The following PEMT variants were observed in gnomAD, a reference collection of about 807,000 sequenced individuals.
PEMT encodes phospholipid methyltransferase.
In PEMT, 23 loss-of-function variants were observed where a neutral mutation model predicts 27.4. The observed-to-expected ratio is 0.84, with a 90% CI of 0.60 to 1.19. The LOEUF (loss-of-function observed/expected upper bound fraction) is 1.19, where lower values mean the gene tolerates loss of function less well. Ranked by LOEUF, PEMT falls within the 50% of genes most tolerant of loss-of-function variation. The pLI, the probability that PEMT is intolerant of heterozygous loss-of-function variation, is 0.00. For synonymous variants in PEMT, 137 were observed against 139.1 expected, an observed-to-expected ratio of 0.98 and a Z score of 0.11; for missense variants, 307 against 310.1, an observed-to-expected ratio of 0.99 and a Z score of 0.07.
At chr17:17,570,092 G>A (rs973630642) in intron 2 of PEMT, among the ~76,000 whole-genome samples, 2 of 152,206 alleles carry the variant, frequency 1.3e-5, no homozygotes, top group Non-Finnish European at 2.9e-5. Context: ...CGCTCACAAA[G>A]CCAATAAACA....
In PEMT at chr17:17,586,288, G is replaced by GAAAAAA. The variant is rs113887195; in HGVS notation, c.96+5237_96+5242dup. 1.5e-4 allele frequency among the ~76,000 whole-genome samples: 11 copies of GAAAAAA among 72,064 alleles called. No individual in the cohort carries two copies. The East Asian group carries it at 1.9e-3, about 13-fold the overall frequency. 47.3% of individuals were successfully genotyped at this position (72,064 alleles called of 152,430 possible). On this transcript the variant is annotated intron_variant, in intron 1 of 6. Coordinates refer to ENST00000255389, the MANE Select transcript of PEMT (RefSeq NM_148172.3). Reference sequence around the variant, plus strand: ...AGAAAGAAAGAAAGAAAGAAAGAAAGAAAAAAAAAAACGCAGGTGGAAAAT... The same window carrying GAAAAAA: ...AGAAAGAAAGAAAGAAAGAAAGAAAGAAAAAAAAAAAAAAAAACGCAGGTGGAAAAT...
rs969255272 is a variant in PEMT at position 17,512,710 on chromosome 17, C to T, written c.321-56G>A. 4.2e-5 allele frequency: 60 copies of T among 1,431,508 alleles called. No homozygotes were observed. Among genetic ancestry groups the T allele is most frequent in the Non-Finnish European group, 5.4e-5 (58 of 1,079,810 alleles). The allele number at this position is 1,431,508 out of a possible 1,614,324, so 88.7% of individuals were successfully genotyped here. ...CATGGCCAGGGAGGATGTCACAGCCCGGGAGGAGGCCGACCTCATCTTCTC... is the reference window on the plus strand; with the variant it reads ...CATGGCCAGGGAGGATGTCACAGCCTGGGAGGAGGCCGACCTCATCTTCTC... On this transcript the variant is annotated intron_variant, in intron 3 of 6. Coordinates refer to ENST00000255389, the MANE Select transcript of PEMT (RefSeq NM_148172.3). This position sits in a 1 kb window ranked among gnomAD's most constrained non-coding sequence, Gnocchi z 6.3.
At chr17:17,552,737 G>C (rs1325845817) in intron 2 of PEMT, among the ~76,000 whole-genome samples, 1 of 152,250 alleles carries the variant, frequency 6.6e-6, no homozygotes, top group Non-Finnish European at 1.5e-5. Flanking sequence ...CTCTGCTGTC[G>C]TTTCGACATG....
At chr17:17,572,839 A>G (rs1911298992) in intron 2 of PEMT, among the ~76,000 whole-genome samples, 1 of 152,226 alleles carries the variant, frequency 6.6e-6, no homozygotes, top group Non-Finnish European at 1.5e-5. Flanking sequence ...ACTGGGCACA[A>G]CACCTGAGCA....
intron 4 of PEMT, among the ~76,000 whole-genome samples, chr17:17,509,750 C>T (rs753135929): frequency 2.6e-5 from 4 of 152,166 alleles, no homozygotes; most frequent in Non-Finnish European, 5.9e-5. Flanking sequence ...GGCCTAAGGA[C>T]TAAGGTGCTG....
chr17:17,563,744 A>T (rs1019085944), intron 2 of PEMT, among the ~76,000 whole-genome samples: 2 of 152,142 alleles, frequency 1.3e-5, no homozygotes, highest in African/African-American at 4.8e-5. Flanking sequence ...AAGGGACGCT[A>T]TGCTCATCTT....
In PEMT at chr17:17,565,955, T is replaced by C. The variant is rs543339670; in HGVS notation, c.204+10965A>G. Among the ~76,000 whole-genome samples the C allele has an allele frequency of 1.6e-3, 249 of 152,314 alleles. 1 individual carries two copies. The highest frequency in any genetic ancestry group is 5.9e-3 in the African/African-American group (244 of 41,576). ...GGCAGCTCCCGCAGCTGCTTCTCCT[T>C]GGAGCCCAAACCCTTTTACACCCAT... is the stretch of plus-strand genomic sequence containing the variant. On this transcript the variant is annotated intron_variant, in intron 2 of 6. Transcript: ENST00000255389.
At chr17:17,567,683 G>A (rs1304537480) in intron 2 of PEMT, among the ~76,000 whole-genome samples, 2 of 152,254 alleles carry the variant, frequency 1.3e-5, no homozygotes, top group African/African-American at 2.4e-5. Context: ...CCAGACAGGA[G>A]CGGGGGAGAG....
At chr17:17,562,529 G>T (rs150100015) in intron 2 of PEMT, among the ~76,000 whole-genome samples, 4 of 152,374 alleles carry the variant, frequency 2.6e-5, no homozygotes, top group African/African-American at 9.6e-5. Flanking sequence ...AATTGCCCCT[G>T]GCCGGGCACG....
At chr17:17,532,935 G>C (rs1597898531) in intron 2 of PEMT, among the ~76,000 whole-genome samples, 1 of 152,258 alleles carries the variant, frequency 6.6e-6, no homozygotes, top group African/African-American at 2.4e-5. Flanking sequence ...GCTGAGGCAG[G>C]AGAATCGCTT....
intron 2 of PEMT, among the ~76,000 whole-genome samples, chr17:17,564,562 G>A (rs556465723): frequency 6.6e-6 from 1 of 152,262 alleles, no homozygotes; most frequent in Non-Finnish European, 1.5e-5. Context: ...GCCAGAGAGG[G>A]CAGAGGCACT....
At chr17:17,550,242 G>A (rs1283102963) in intron 2 of PEMT, among the ~76,000 whole-genome samples, 1 of 152,214 alleles carries the variant, frequency 6.6e-6, no homozygotes, top group Non-Finnish European at 1.5e-5. Context: ...CCAAAGGGAG[G>A]GACAGGACAG....
Position 17,513,400 on chromosome 17 carries a change from CA to C in PEMT, c.321-747del, listed in dbSNP as rs1243482623. Among the ~76,000 whole-genome samples the C allele has an allele frequency of 6.6e-6, 1 of 152,100 alleles. No homozygotes were observed. The highest frequency in any genetic ancestry group is 2.4e-5 in the African/African-American group (1 of 41,404). On this transcript the variant is annotated intron_variant, in intron 3 of 6. Coordinates refer to ENST00000255389, the MANE Select transcript of PEMT (RefSeq NM_148172.3). The surrounding 1 kb of genome is among the most constrained non-coding windows in gnomAD (Gnocchi z 4.1). ...TCACCTGAGGTCAGGAGTTCAAGAC[CA>C]GCCTGGCCAACATGGTGAAACCCTG...
chr17:17,540,331 C>T (rs538425418), intron 2 of PEMT, among the ~76,000 whole-genome samples: 1 of 152,352 alleles, frequency 6.6e-6, no homozygotes, highest in African/African-American at 2.4e-5. Context: ...TATCCCAGTG[C>T]CTCCTCTGCG....
At chr17:17,533,017 G>A (rs1156415852) in intron 2 of PEMT, among the ~76,000 whole-genome samples, 1 of 152,160 alleles carries the variant, frequency 6.6e-6, no homozygotes, top group Non-Finnish European at 1.5e-5. Context: ...ACAGAGTGAG[G>A]CTCCATCTCA....
chr17:17,577,082 C>T (rs1911650359), intron 1 of PEMT, 55 bp from the exon 2 acceptor site: 6 of 1,352,986 alleles, frequency 4.4e-6, no homozygotes, highest in African/African-American at 4.3e-5. Context: ...GCCTGTGAGC[C>T]CCCAGGAGTC....
chr17:17,530,701 A>C (rs1350415893), intron 2 of PEMT, among the ~76,000 whole-genome samples: 1 of 152,196 alleles, frequency 6.6e-6, no homozygotes, highest in Non-Finnish European at 1.5e-5. Context: ...AAAATATTTA[A>C]TAATACAGAT....
intron 4 of PEMT, 139 bp from the exon 5 acceptor site, chr17:17,509,684 C>T: frequency 1.5e-6 from 1 of 664,852 alleles, no homozygotes; most frequent in Non-Finnish European, 2.7e-6. Flanking sequence ...TCAGAGAGTT[C>T]AACAATGGGC....
chr17:17,535,567 G>GA lies in PEMT; in HGVS notation c.205-13173dup, dbSNP rs35903619. ...GCGACAGACTGAGACTCCGTCTCAA[G>GA]AAAAAAAAAAAAAAAGTCCTTACTT... On this transcript the variant is annotated intron_variant, in intron 2 of 6. Transcript: ENST00000255389. 7.4e-4 allele frequency among the ~76,000 whole-genome samples: 104 copies of GA among 141,480 alleles called. 1 individual carries two copies. The highest frequency in any genetic ancestry group is 1.3e-3 in the East Asian group (6 of 4,554). The allele number at this position is 141,480 out of a possible 152,430, so 92.8% of individuals were successfully genotyped here. A position where few individuals can be genotyped will look rare whatever the true frequency, so the allele number is the denominator to read the frequency against.
Sources: gnomAD v4.1 joint callset for allele counts (sites outside exome capture counted in the v4.1 genomes callset) on GRCh38, gnomAD v4.1.1 for gene constraint, Gnocchi (gnomAD v3.1) non-coding constraint, MANE v1.5 for transcripts, NCBI Gene and HGNC (gene_info 2026-07-23, HGNC 2026-07-21) for gene names.